Variants in RC3H1 observed in about 807,000 individuals in gnomAD.
RC3H1 encodes ring finger and CCCH-type domains 1, also known as roquin-1.
Under a neutral mutation model 138.2 loss-of-function variants are expected in RC3H1, and 50 were observed. That is an observed-to-expected ratio of 0.36 (90% CI 0.29 to 0.46). RC3H1 has a LOEUF of 0.46. Ranked by LOEUF, RC3H1 falls within the 20% of genes least tolerant of loss-of-function variation. The pLI, the probability that RC3H1 is intolerant of heterozygous loss-of-function variation, is 1.00. For synonymous variants in RC3H1, 462 were observed against 489.1 expected, an observed-to-expected ratio of 0.94 and a Z score of 0.73; for missense variants, 1,031 against 1,388.1, an observed-to-expected ratio of 0.74 and a Z score of 4.09.
chr1:174,004,848 G>C (rs112071610), intron 1 of RC3H1, among the ~76,000 whole-genome samples: 2,311 of 151,454 alleles, frequency 0.015, 72 homozygotes, highest in African/African-American at 0.054. Context: ...ACCATTCAGA[G>C]TAACATGCAA....
intron 14 of RC3H1, among the ~76,000 whole-genome samples, chr1:173,950,368 G>A (rs1009561057): frequency 1.4e-5 from 2 of 143,498 alleles, no homozygotes; most frequent in African/African-American, 5.4e-5. Flanking sequence ...GAGCCCAGGA[G>A]TTCAGGACCA....
intron 6 of RC3H1, among the ~76,000 whole-genome samples, chr1:173,979,783 G>A (rs1181528280): frequency 1.3e-5 from 2 of 152,216 alleles, no homozygotes; most frequent in Non-Finnish European, 2.9e-5. Context: ...TCCGATACAA[G>A]CTCCTGTCCA....
intron 1 of RC3H1, among the ~76,000 whole-genome samples, chr1:174,001,910 T>C (rs1661570692): frequency 6.6e-6 from 1 of 152,222 alleles, no homozygotes; most frequent in South Asian, 2.1e-4. Context: ...AAGGATGTAA[T>C]AAAAACTGGT....
At chr1:173,978,686 T>A in intron 6 of RC3H1, 66 bp from the exon 7 acceptor site, 1 of 1,469,122 alleles carries the variant, frequency 6.8e-7, no homozygotes, top group Non-Finnish European at 9.2e-7. Flanking sequence ...AGATTATTTA[T>A]ATCACAATCA....
chr1:174,009,755 T>C (rs1177927597), intron 1 of RC3H1, among the ~76,000 whole-genome samples: 4 of 152,106 alleles, frequency 2.6e-5, no homozygotes, highest in African/African-American at 9.7e-5. Flanking sequence ...CGAGAATCAC[T>C]TGAACCCGGG....
intron 1 of RC3H1, among the ~76,000 whole-genome samples, chr1:174,010,099 A>T (rs1185550852): frequency 1.3e-5 from 2 of 152,084 alleles, no homozygotes; most frequent in African/African-American, 4.8e-5. Context: ...GACAATGCAC[A>T]TTTCTGGTAA....
chr1:173,958,624 A>AT (rs1442770257), intron 13 of RC3H1, among the ~76,000 whole-genome samples: 1 of 152,154 alleles, frequency 6.6e-6, no homozygotes, highest in East Asian at 1.9e-4. Context: ...ACAAAAAAAA[A>AT]TTACCAATAT....
intron 13 of RC3H1, among the ~76,000 whole-genome samples, chr1:173,952,876 G>A (rs564544061): frequency 6.6e-6 from 1 of 152,224 alleles, no homozygotes; most frequent in East Asian, 1.9e-4. Flanking sequence ...ATCCATGATA[G>A]ACAACACAGA....
Position 173,961,987 on chromosome 1 carries a change from T to C in RC3H1, c.1940A>G (p.Gln647Arg), listed in dbSNP as rs1226245542. The C allele has an allele frequency of 6.2e-7, 1 of 1,614,042 alleles. No individual in the cohort carries two copies. Among genetic ancestry groups the C allele is most frequent in the Admixed American group, 1.7e-5 (1 of 60,018 alleles). Residue 647 changes from glutamine to arginine, a missense_variant, in exon 12 of 20, where the codon CAA becomes CGA. This residue lies in a region of RC3H1 where 716 missense variants were observed against 837.9 expected (regional missense o/e 0.85). Coordinates refer to ENST00000367696, the MANE Select transcript of RC3H1 (RefSeq NM_172071.4). ...ATACTGAGAGTTTACAACACGTTCT[T>C]GGAGGTAGGGTGGATAATGATCCAA... Reference protein sequence around the residue: ...PYLDHYPPYLQERVVNSQYGT... With the variant: ...PYLDHYPPYLRERVVNSQYGT...
intron 1 of RC3H1, among the ~76,000 whole-genome samples, chr1:174,002,603 T>G (rs1661582529): frequency 6.6e-6 from 1 of 152,214 alleles, no homozygotes; most frequent in Non-Finnish European, 1.5e-5. Context: ...CCTGTTTCCA[T>G]CCACCACTAT....
chr1:173,995,481 C>T (rs1012478523), intron 1 of RC3H1, among the ~76,000 whole-genome samples: 3 of 150,890 alleles, frequency 2.0e-5, no homozygotes, highest in South Asian at 2.1e-4. Flanking sequence ...TTGAAGTGAG[C>T]CAAGATTGTG....
At chr1:173,959,137 A>G (rs1659763563) in intron 13 of RC3H1, among the ~76,000 whole-genome samples, 1 of 139,844 alleles carries the variant, frequency 7.2e-6, no homozygotes, top group African/African-American at 3.3e-5. Flanking sequence ...AGACAAAGAC[A>G]AAACAAAAGG....
intron 7 of RC3H1, among the ~76,000 whole-genome samples, chr1:173,977,913 G>A (rs1302195049): frequency 6.6e-6 from 1 of 152,194 alleles, no homozygotes; most frequent in Non-Finnish European, 1.5e-5. Flanking sequence ...CAGAGACTGG[G>A]AATCTACTAG....
At chr1:173,950,262 A>C (rs2102880197) in intron 14 of RC3H1, among the ~76,000 whole-genome samples, 1 of 152,166 alleles carries the variant, frequency 6.6e-6, no homozygotes, top group African/African-American at 2.4e-5. Flanking sequence ...AAACATATAA[A>C]ACAATATTGT....
intron 9 of RC3H1, among the ~76,000 whole-genome samples, chr1:173,970,284 G>A (rs986869373): frequency 6.6e-6 from 1 of 152,150 alleles, no homozygotes; most frequent in Admixed American, 6.5e-5. Context: ...CCATCACAAG[G>A]TCAAGTGTGG....
chr1:173,989,710 G>GTTT (rs372808172), intron 2 of RC3H1, among the ~76,000 whole-genome samples: 41 of 103,232 alleles, frequency 4.0e-4, no homozygotes, highest in Admixed American at 5.7e-4. Context: ...GTTTATTCAA[G>GTTT]TTTTTTTTTT....
chr1:173,992,963 C>T lies in RC3H1; in HGVS notation c.23G>A (p.Trp8Ter). 1 of 1,613,902 alleles carries T rather than the reference C, an allele frequency of 6.2e-7. No homozygotes were observed. Among genetic ancestry groups the T allele is most frequent in the Non-Finnish European group, 8.5e-7 (1 of 1,179,856 alleles). The change falls in exon 2 of 20, where the codon TGG becomes TAG. Residue 8 changes from tryptophan (W) to a stop codon, truncating the protein, a stop_gained. Coordinates refer to ENST00000367696, the MANE Select transcript of RC3H1 (RefSeq NM_172071.4). LOFTEE classifies it high-confidence loss of function. ...AATTGGGCAGGAGAGGAAATCCGTCCATTGTGGAGCTTGTACAGGCATTGC... is the reference window on the plus strand; with the variant it reads ...AATTGGGCAGGAGAGGAAATCCGTCTATTGTGGAGCTTGTACAGGCATTGC... The part of the protein sequence containing the change: MPVQAPQ[W>*]TDFLSCPICT...
At chr1:173,960,770 G>T (rs1439353922) in intron 13 of RC3H1, among the ~76,000 whole-genome samples, 20 of 152,138 alleles carry the variant, frequency 1.3e-4, no homozygotes, top group Non-Finnish European at 1.5e-5. Context: ...AAAGAATAGG[G>T]TCAGGAAACA....
chr1:173,997,549 AC>A (rs1661484741), intron 1 of RC3H1, among the ~76,000 whole-genome samples: 1 of 152,126 alleles, frequency 6.6e-6, no homozygotes, highest in South Asian at 2.1e-4. Flanking sequence ...TTTGTTTATC[AC>A]CTCCATCTCT....
Sources: allele counts gnomAD v4.1 joint callset (sites outside exome capture counted in the v4.1 genomes callset), GRCh38; gene constraint gnomAD v4.1.1; regional missense constraint gnomAD v4.1.1; transcripts MANE v1.5; gene names NCBI Gene and HGNC (gene_info 2026-07-23, HGNC 2026-07-21).